NBEA: variants seen among roughly 807,000 people sequenced by gnomAD.
The protein encoded by NBEA is lysosomal-trafficking regulator 2.
In NBEA, 44 loss-of-function variants were observed where a neutral mutation model predicts 343.4. The ratio of observed to expected loss-of-function variants is 0.13; its 90% confidence interval spans 0.10 to 0.16. NBEA has a LOEUF of 0.16. Ranked by LOEUF, NBEA falls within the 10% of genes least tolerant of loss-of-function variation. The pLI, the probability that NBEA is intolerant of heterozygous loss-of-function variation, is 1.00. For missense variants in NBEA, 2,555 were observed against 3,631.3 expected (o/e 0.70, Z 7.62); for synonymous variants, 1,175 against 1,238.7 (o/e 0.95, Z 1.08).
At chr13:35,234,297 G>A (rs1438447772) in intron 34 of NBEA, among the ~76,000 whole-genome samples, 2 of 152,124 alleles carry the variant, frequency 1.3e-5, no homozygotes, top group Non-Finnish European at 2.9e-5. Context: ...GAAGAACCAT[G>A]CTAATTCAAA....
chr13:35,270,624 C>A (rs1470457956), intron 34 of NBEA, among the ~76,000 whole-genome samples: 1 of 152,144 alleles, frequency 6.6e-6, no homozygotes, highest in Non-Finnish European at 1.5e-5. Flanking sequence ...CACGCCTGCC[C>A]AAATACTGTG....
At position 35,563,320 on chromosome 13, in the gene NBEA, T is replaced by A. The variant is rs539822022; in HGVS notation, c.6923-3585T>A. On this transcript the variant is annotated intron_variant, in intron 44 of 58. Coordinates refer to ENST00000379939, the MANE Select transcript of NBEA (RefSeq NM_001385012.1). ...CAATTAGTAATTAAACATCTAGGTA[T>A]GCCAGAGCCTCATGAGTATTACTTT... Among the ~76,000 whole-genome samples, 6 of 152,126 alleles carry A rather than the reference T, an allele frequency of 3.9e-5. 1 individual carries two copies. Among genetic ancestry groups the A allele is most frequent in the African/African-American group, 1.4e-4 (6 of 41,566 alleles).
At chr13:35,574,277 A>C (rs750652822) in intron 45 of NBEA, among the ~76,000 whole-genome samples, 3 of 138,636 alleles carry the variant, frequency 2.2e-5, no homozygotes, top group Non-Finnish European at 3.1e-5. Flanking sequence ...TCCATAATAC[A>C]TAGGTAGGAT....
At chr13:35,165,407 G>A (rs2069932233) in intron 24 of NBEA, among the ~76,000 whole-genome samples, 1 of 152,114 alleles carries the variant, frequency 6.6e-6, no homozygotes, top group Non-Finnish European at 1.5e-5. Context: ...AGTCCACAAA[G>A]GGAAGCATTC....
At position 35,665,135 on chromosome 13, in the gene NBEA, G is replaced by T. The variant is rs41292207; in HGVS notation, c.8413G>T (p.Val2805Phe). Residue 2805 changes from valine (V) to phenylalanine (F), a missense_variant, in exon 56 of 59, where the codon GTC becomes TTC. Transcript: ENST00000379939. The stretch of plus-strand genomic sequence containing the variant: ...CCTCACAGGCCATGACCATGAAGTT[G>T]TCTGTGTTTCTGTCTGTGCAGAACT... ...AVLTGHDHEV[V>F]CVSVCAELGL... 6,590 of 1,590,744 alleles carry T rather than the reference G, an allele frequency of 4.1e-3. 14 individuals are homozygous for T. Among genetic ancestry groups the T allele is most frequent in the Non-Finnish European group, 5.2e-3 (6,071 of 1,166,630 alleles).
At chr13:35,648,180 CTTTTTTTTT>C (rs949635885) in intron 51 of NBEA, among the ~76,000 whole-genome samples, 2 of 104,184 alleles carry the variant, frequency 1.9e-5, no homozygotes, top group South Asian at 3.3e-4. Flanking sequence ...TGTTTAAACT[CTTTTTTTTT>C]TTTTTTTTTT....
chr13:35,081,128 A>G (rs892483482), intron 10 of NBEA, among the ~76,000 whole-genome samples: 15 of 152,164 alleles, frequency 9.9e-5, no homozygotes, highest in African/African-American at 3.1e-4. Context: ...CCTAGAGGGA[A>G]GTTTCATGTG....
chr13:35,520,656 A>T (rs573631390), intron 41 of NBEA, among the ~76,000 whole-genome samples: 1 of 152,182 alleles, frequency 6.6e-6, no homozygotes, highest in South Asian at 2.1e-4. Context: ...TAGCTTCAGG[A>T]ATTGATTCCC....
At chr13:35,261,252 C>T (rs2033187860) in intron 34 of NBEA, among the ~76,000 whole-genome samples, 2 of 152,162 alleles carry the variant, frequency 1.3e-5, no homozygotes, top group African/African-American at 2.4e-5. Flanking sequence ...ATGGCTCATG[C>T]CTATAATTCC....
intron 33 of NBEA, among the ~76,000 whole-genome samples, chr13:35,224,546 T>G (rs1339903849): frequency 6.6e-6 from 1 of 152,198 alleles, no homozygotes; most frequent in African/African-American, 2.4e-5. Context: ...AGTCTTTTGA[T>G]AAGTCCATTG....
At position 35,523,873 on chromosome 13, in the gene NBEA, CT is replaced by C. The variant is rs1357068163; in HGVS notation, c.6586-26598del. Among the ~76,000 whole-genome samples, 4 of 151,842 alleles carry C rather than the reference CT, an allele frequency of 2.6e-5. No individual in the cohort carries two copies. The East Asian group carries it at 7.7e-4, about 29-fold the overall frequency. On this transcript the variant is annotated intron_variant, in intron 41 of 58. Transcript: ENST00000379939. ...TTTATTTTAGCTATATTTCCCTCTG[CT>C]TTTTTCCTTTGATTTTTTTTCTGCT... is the stretch of plus-strand genomic sequence containing the variant.
chr13:35,498,220 CCTCT>C (rs1241502043), intron 41 of NBEA, among the ~76,000 whole-genome samples: 1 of 151,986 alleles, frequency 6.6e-6, no homozygotes, highest in African/African-American at 2.4e-5. Context: ...TAAAGAAAGT[CCTCT>C]CTGTGTTGAA....
At chr13:35,090,956 A>T (rs929556016) in intron 10 of NBEA, among the ~76,000 whole-genome samples, 2 of 151,966 alleles carry the variant, frequency 1.3e-5, no homozygotes, top group Non-Finnish European at 2.9e-5. Flanking sequence ...CCCTAACATG[A>T]ATTAAATGGA....
chr13:35,275,206 A>G (rs546273607), intron 34 of NBEA, among the ~76,000 whole-genome samples: 19 of 152,320 alleles, frequency 1.2e-4, no homozygotes, highest in African/African-American at 4.1e-4. Flanking sequence ...AACACCACAC[A>G]TGTACAACCA....
intron 1 of NBEA, among the ~76,000 whole-genome samples, chr13:34,986,881 TC>T (rs1481367071): frequency 2.6e-5 from 4 of 150,948 alleles, no homozygotes; most frequent in African/African-American, 9.7e-5. Flanking sequence ...TCTTCCTCCA[TC>T]CCTTTATTTT....
chr13:35,407,260 C>A (rs371127751), intron 38 of NBEA, among the ~76,000 whole-genome samples: 2 of 151,966 alleles, frequency 1.3e-5, no homozygotes, highest in African/African-American at 2.4e-5. Context: ...CCACTGCACC[C>A]GGCCTATTTT....
chr13:35,559,858 G>T (rs1193252714), intron 44 of NBEA, among the ~76,000 whole-genome samples: 1 of 150,518 alleles, frequency 6.6e-6, no homozygotes, highest in Non-Finnish European at 1.5e-5. Context: ...CTGAACCCGG[G>T]AGGCGGAGCT....
chr13:35,238,708 G>A (rs2075347251), intron 34 of NBEA, among the ~76,000 whole-genome samples: 1 of 152,110 alleles, frequency 6.6e-6, no homozygotes, highest in African/African-American at 2.4e-5. Flanking sequence ...CTATATACAA[G>A]TTGAAACATT....
At chr13:35,618,607 G>T (rs1168681519) in intron 48 of NBEA, among the ~76,000 whole-genome samples, 1 of 152,118 alleles carries the variant, frequency 6.6e-6, no homozygotes, top group Non-Finnish European at 1.5e-5. Flanking sequence ...ACATTTCAAT[G>T]CATTCTAAGG....
Sources: gnomAD v4.1 joint callset for allele counts (sites outside exome capture counted in the v4.1 genomes callset) on GRCh38, gnomAD v4.1.1 for gene constraint, MANE v1.5 for transcripts, NCBI Gene and HGNC (gene_info 2026-07-23, HGNC 2026-07-21) for gene names.